Variants in NPTX2 observed in about 807,000 individuals in gnomAD.
The protein encoded by NPTX2 is neuronal pentraxin-2.
Under a neutral mutation model 38.1 loss-of-function variants are expected in NPTX2, and 23 were observed. That is an observed-to-expected ratio of 0.60 (90% CI 0.43 to 0.85). The LOEUF (loss-of-function observed/expected upper bound fraction) is 0.85, where lower values mean the gene tolerates loss of function less well. Among genes scored for constraint, NPTX2 ranks in the 40% least tolerant of loss-of-function variants. The pLI is 0.00. For synonymous variants in NPTX2, 291 were observed against 287.3 expected (o/e 1.01, Z -0.13); for missense variants, 553 against 615.3 (o/e 0.90, Z 1.07).
chr7:98,617,316 T>C lies in NPTX2; in HGVS notation c.-146T>C, dbSNP rs535752962. ...CCGAGCAGCGCGGTGGGTGCGGCTG[T>C]GAGACGGCAGGAGACTTCTGCCCCG... On this transcript the variant is annotated 5_prime_UTR_variant, in exon 1 of 5. Transcript: ENST00000265634. 26 of 284,012 alleles carry C rather than the reference T, an allele frequency of 9.2e-5. No homozygotes were observed. Among genetic ancestry groups the C allele is most frequent in the Admixed American group, 4.7e-4 (9 of 19,176 alleles). 17.6% of individuals were successfully genotyped at this position (284,012 alleles called of 1,614,324 possible). A position where few individuals can be genotyped will look rare whatever the true frequency, so the allele number is the denominator to read the frequency against.
At chr7:98,626,605 G>A (rs1040171585) in intron 3 of NPTX2, among the ~76,000 whole-genome samples, 5 of 152,200 alleles carry the variant, frequency 3.3e-5, no homozygotes, top group South Asian at 2.1e-4. Flanking sequence ...GCAACAACGC[G>A]GTGGTTCATA....
intron 4 of NPTX2, among the ~76,000 whole-genome samples, 178 bp from the exon 5 acceptor site, chr7:98,628,224 T>C (rs1791385197): frequency 1.3e-5 from 2 of 152,094 alleles, no homozygotes; most frequent in African/African-American, 4.8e-5. Flanking sequence ...ATGGGGAGAT[T>C]TGAGCGATGC....
chr7:98,625,096 C>T lies in NPTX2; in HGVS notation c.818C>T (p.Pro273Leu), dbSNP rs747714851. Reference sequence around the variant, plus strand: ...GGCACCCCCTTCTCCTATGCGGTGCCAGGGCAGGCCAACGAGATCGTGCTG... The same window carrying T: ...GGCACCCCCTTCTCCTATGCGGTGCTAGGGCAGGCCAACGAGATCGTGCTG... ...GIGTPFSYAV[P>L]GQANEIVLIE... Residue 273 changes from proline to leucine, a missense_variant, in exon 3 of 5, where the codon CCA becomes CTA. Pro to Leu is a moderately conservative substitution (Grantham distance 98). Coordinates refer to ENST00000265634, the MANE Select transcript of NPTX2 (RefSeq NM_002523.3). The T allele has an allele frequency of 6.2e-7, 1 of 1,612,348 alleles. No homozygotes were observed. The highest frequency in any genetic ancestry group is 8.5e-7 in the Non-Finnish European group (1 of 1,179,522).
chr7:98,625,146 G>C lies in NPTX2; in HGVS notation c.868G>C (p.Glu290Gln). Reference sequence around the variant, plus strand: ...GATCGAGTGGGGCAACAACCCCATCGAGCTGCTCATCAACGACAAGGTGAG... The same window carrying C: ...GATCGAGTGGGGCAACAACCCCATCCAGCTGCTCATCAACGACAAGGTGAG... Reference protein sequence around the residue: ...VLIEWGNNPIELLINDKVAQL... With the variant: ...VLIEWGNNPIQLLINDKVAQL... The change falls in exon 3 of 5, where the codon GAG becomes CAG. Residue 290 changes from glutamate (E) to glutamine (Q), a missense_variant. Transcript: ENST00000265634. The C allele has an allele frequency of 1.3e-6, 2 of 1,598,170 alleles. No homozygotes were observed. Among genetic ancestry groups the C allele is most frequent in the East Asian group, 4.5e-5 (2 of 44,488 alleles).
In NPTX2 at chr7:98,619,790, T is replaced by A. The variant is rs148118941; in HGVS notation, c.574T>A (p.Ser192Thr). The A allele has an allele frequency of 2.2e-4, 353 of 1,613,832 alleles. 2 individuals carry two copies. In the Middle Eastern group the frequency reaches 3.3e-3, roughly 15 times the overall value. The part of the protein sequence containing the change: ...DEKSLLHNET[S>T]AHRQKTESTL... ...GAAGTCCCTGCTGCACAATGAGACC[T>A]CGGCTCACCGGCAGAAGACCGAGAG... Residue 192 changes from serine to threonine, a missense_variant, in exon 2 of 5, where the codon TCG becomes ACG. Ser to Thr is a moderately conservative substitution (Grantham distance 58). Transcript: ENST00000265634.
intron 1 of NPTX2, 78 bp downstream of exon 1, chr7:98,617,965 G>A (rs1791201418): frequency 1.0e-5 from 15 of 1,443,188 alleles, no homozygotes; most frequent in African/African-American, 1.4e-5. Flanking sequence ...GGGAGGATGG[G>A]GAAAGGGGGC....
At position 98,619,810 on chromosome 7, in the gene NPTX2, C is replaced by G. The variant is rs376588384; in HGVS notation, c.594C>G (p.Thr198=). ...AGACCTCGGCTCACCGGCAGAAGAC[C>G]GAGAGCACCCTGAACGCGCTGCTGC... is the stretch of plus-strand genomic sequence containing the variant. ...HNETSAHRQK[T]ESTLNALLQR... The change falls in exon 2 of 5, where the codon ACC becomes ACG. Residue 198 remains threonine, a synonymous_variant. Coordinates refer to ENST00000265634, the MANE Select transcript of NPTX2 (RefSeq NM_002523.3). 6.2e-7 allele frequency: 1 copy of G among 1,613,890 alleles called. No individual in the cohort carries two copies. Among genetic ancestry groups the G allele is most frequent in the Non-Finnish European group, 8.5e-7 (1 of 1,180,030 alleles).
intron 3 of NPTX2, 43 bp downstream of exon 3, chr7:98,625,209 G>A (rs550417277): frequency 2.6e-6 from 4 of 1,545,172 alleles, no homozygotes; most frequent in Non-Finnish European, 3.5e-6. Flanking sequence ...AACCCATCAT[G>A]TGGTGGAGGG....
At chr7:98,625,930 G>A (rs1201857685) in intron 3 of NPTX2, among the ~76,000 whole-genome samples, 1 of 152,010 alleles carries the variant, frequency 6.6e-6, no homozygotes, top group Admixed American at 6.5e-5. Context: ...AGGATTGCTT[G>A]AGCCCAGGAG....
chr7:98,620,058 G>A (rs888631452), intron 2 of NPTX2, 199 bp downstream of exon 2: 2 of 606,178 alleles, frequency 3.3e-6, no homozygotes, highest in Non-Finnish European at 5.9e-6. Flanking sequence ...ATTATCCAGG[G>A]AAAAGTGAAA....
intron 1 of NPTX2, among the ~76,000 whole-genome samples, chr7:98,618,500 G>A (rs114610830): frequency 0.01 from 1,533 of 150,810 alleles, 24 homozygotes; most frequent in African/African-American, 0.035. Context: ...TCTGCAAGTT[G>A]GACCATTTTA....
chr7:98,618,288 C>T (rs1387601244), intron 1 of NPTX2, among the ~76,000 whole-genome samples: 2 of 152,086 alleles, frequency 1.3e-5, no homozygotes, highest in Non-Finnish European at 2.9e-5. Flanking sequence ...TCCCGCAGGC[C>T]GTGCGGGTTG....
chr7:98,627,234 G>T lies in NPTX2; in HGVS notation c.958G>T (p.Asp320Tyr), dbSNP rs141261101. 1 of 1,613,474 alleles carries T rather than the reference G, an allele frequency of 6.2e-7. No individual in the cohort carries two copies. Among genetic ancestry groups the T allele is most frequent in the Admixed American group, 1.7e-5 (1 of 60,034 alleles). The change falls in exon 4 of 5, where the codon GAT becomes TAT. Residue 320 changes from aspartate to tyrosine, a missense_variant. Transcript: ENST00000265634. Reference protein sequence around the residue: ...HHICVTWTTRDGMWEAFQDGE... With the variant: ...HHICVTWTTRYGMWEAFQDGE... ...CATCTGTGTCACCTGGACGACACGG[G>T]ATGGCATGTGGGAGGCATTCCAGGA...
chr7:98,618,569 T>TCCCCCCCCCCCCCC (rs145792464), intron 1 of NPTX2, among the ~76,000 whole-genome samples: 3 of 30,094 alleles, frequency 1.0e-4, no homozygotes, highest in Non-Finnish European at 1.2e-4. Flanking sequence ...TCTCTCTCTC[T>TCCCCCCCCCCCCCC]CCCCCCCTCC....
rs534683819 is a variant in NPTX2 at position 98,629,097 on chromosome 7, C to G, written c.*468C>G. On this transcript the variant is annotated 3_prime_UTR_variant, in exon 5 of 5. Coordinates refer to ENST00000265634, the MANE Select transcript of NPTX2 (RefSeq NM_002523.3). ...GTGCATCCCCGCTGGTGACTAAGCT[C>G]GCAGCAAGCGGCTACCCCCCGATCT... 1.3e-5 allele frequency: 2 copies of G among 154,202 alleles called. No homozygotes were observed. Among genetic ancestry groups the G allele is most frequent in the Non-Finnish European group, 2.9e-5 (2 of 69,602 alleles). 9.6% of individuals were successfully genotyped at this position (154,202 alleles called of 1,614,324 possible). A position where few individuals can be genotyped will look rare whatever the true frequency, so the allele number is the denominator to read the frequency against.
rs987812923 is a variant in NPTX2 at position 98,623,224 on chromosome 7, G to A, written c.644-1698G>A. On this transcript the variant is annotated intron_variant, in intron 2 of 4. Transcript: ENST00000265634. ...TGAAGGGCGTTTAGATTCCTTCAACGGCAGGGTCTGGTTCTCAAATAAGAG... is the reference window on the plus strand; with the variant it reads ...TGAAGGGCGTTTAGATTCCTTCAACAGCAGGGTCTGGTTCTCAAATAAGAG... Among the ~76,000 whole-genome samples, 3 of 152,226 alleles carry A rather than the reference G, an allele frequency of 2.0e-5. No individual in the cohort carries two copies. In the South Asian group the frequency reaches 6.2e-4, roughly 32 times the overall value.
intron 3 of NPTX2, among the ~76,000 whole-genome samples, chr7:98,625,829 G>T (rs1050982808): frequency 4.6e-5 from 7 of 151,868 alleles, no homozygotes; most frequent in African/African-American, 1.7e-4. Flanking sequence ...TTAATAGACT[G>T]CTTGGTTTTG....
chr7:98,628,565 A>T lies in NPTX2; in HGVS notation c.1232A>T (p.Asp411Val). 1.9e-6 allele frequency: 3 copies of T among 1,610,648 alleles called. No homozygotes were observed. The highest frequency in any genetic ancestry group is 2.5e-6 in the Non-Finnish European group (3 of 1,178,184). Residue 411 changes from aspartate (D) to valine (V), a missense_variant, in exon 5 of 5, where the codon GAT becomes GTT. Asp to Val is a radical substitution (Grantham distance 152). Transcript: ENST00000265634. ...NIIPWVDNNV[D>V]VFGGASKWPV... ...ATCCCGTGGGTGGACAATAACGTCG[A>T]TGTGTTCGGAGGGGCCTCCAAGTGG...
At chr7:98,627,061 A>G in intron 3 of NPTX2, 104 bp from the exon 4 acceptor site, 1 of 699,380 alleles carries the variant, frequency 1.4e-6, no homozygotes, top group South Asian at 1.7e-5. Context: ...CAGGAGGAGC[A>G]GTGTGGCCCA....
Sources: gnomAD v4.1 joint callset for allele counts (sites outside exome capture counted in the v4.1 genomes callset) on GRCh38, gnomAD v4.1.1 for gene constraint, MANE v1.5 for transcripts, NCBI Gene and HGNC (gene_info 2026-07-23, HGNC 2026-07-21) for gene names.